SNX16: variants seen among roughly 807,000 people sequenced by gnomAD.
The protein encoded by SNX16 is sorting nexin 16, also known as sorting nexin-16.
SNX16 carries 35 observed loss-of-function variants against 36.7 expected under a neutral mutation model. The observed-to-expected ratio is 0.95, with a 90% confidence interval of 0.73 to 1.27. The LOEUF is 1.27. Ranked by LOEUF, SNX16 falls within the 50% of genes most tolerant of loss-of-function variation. The probability of loss-of-function intolerance (pLI) is 0.00; values close to 1 mark genes in which losing one functional copy is unlikely to be tolerated. For missense variants in SNX16, 367 were observed against 393.6 expected, an observed-to-expected ratio of 0.93 and a Z score of 0.57; for synonymous variants, 134 against 132.0, an observed-to-expected ratio of 1.02 and a Z score of -0.10.
chr8:81,832,408 T>A (rs915511062), intron 2 of SNX16, among the ~76,000 whole-genome samples: 1 of 152,112 alleles, frequency 6.6e-6, no homozygotes, highest in Non-Finnish European at 1.5e-5. Flanking sequence ...CACTGGGGAC[T>A]CCTAGTGGAG....
intron 5 of SNX16, among the ~76,000 whole-genome samples, chr8:81,804,926 C>A (rs983347431): frequency 6.6e-6 from 1 of 151,816 alleles, no homozygotes; most frequent in East Asian, 1.9e-4. Context: ...CAAATCCACA[C>A]CATAAGGGGT....
Position 81,823,775 on chromosome 8 carries a change from T to C in SNX16, c.611+17A>G. ...TTGGAATGCTTTTATAATCTCTTAT[T>C]TCAATTCGTTACATACCAGTTAGCA... On this transcript the variant is annotated intron_variant, in intron 4 of 7. Transcript: ENST00000345957. 1 of 1,572,046 alleles carries C rather than the reference T, an allele frequency of 6.4e-7. No homozygotes were observed. Among genetic ancestry groups the C allele is most frequent in the South Asian group, 1.2e-5 (1 of 83,478 alleles).
chr8:81,816,803 G>C (rs1810517413), intron 4 of SNX16, among the ~76,000 whole-genome samples: 1 of 152,080 alleles, frequency 6.6e-6, no homozygotes, highest in South Asian at 2.1e-4. Flanking sequence ...CTTTCAATCT[G>C]TTCCCTGAGT....
chr8:81,831,859 C>T (rs1426217816), intron 2 of SNX16, among the ~76,000 whole-genome samples: 1 of 151,782 alleles, frequency 6.6e-6, no homozygotes, highest in African/African-American at 2.4e-5. Flanking sequence ...AAATCAAAAC[C>T]ACAATGAGAT....
chr8:81,840,432 A>G lies in SNX16; in HGVS notation c.-96-350T>C, dbSNP rs1811693079. 2.5e-5 allele frequency: 4 copies of G among 158,280 alleles called. No homozygotes were observed. In the South Asian group the frequency reaches 5.5e-4, roughly 22 times the overall value. The allele number at this position is 158,280 out of a possible 1,614,324, so 9.8% of individuals were successfully genotyped here. A position where few individuals can be genotyped will look rare whatever the true frequency, so the allele number is the denominator to read the frequency against. ...TCTGAAGCTTTATTCCATGCTTATC[A>G]TCTTGACAGTACTACATTCAGTACA... On this transcript the variant is annotated intron_variant, in intron 1 of 7. Transcript: ENST00000345957.
At chr8:81,825,539 A>G (rs532937026) in intron 3 of SNX16, among the ~76,000 whole-genome samples, 3 of 152,292 alleles carry the variant, frequency 2.0e-5, no homozygotes, top group African/African-American at 7.2e-5. Flanking sequence ...AAGATTGAGA[A>G]CCATTTTACT....
At chr8:81,815,189 G>A in intron 5 of SNX16, 136 bp downstream of exon 5, 1 of 582,218 alleles carries the variant, frequency 1.7e-6, no homozygotes, top group South Asian at 4.2e-5. Context: ...ACTCAAACAT[G>A]AAAGCTTTCT....
intron 4 of SNX16, among the ~76,000 whole-genome samples, chr8:81,823,472 A>G (rs948538888): frequency 6.6e-6 from 1 of 152,070 alleles, no homozygotes; most frequent in African/African-American, 2.4e-5. Context: ...AATTTTACTA[A>G]TATGTAAGTG....
chr8:81,825,506 C>A (rs181681127), intron 3 of SNX16, among the ~76,000 whole-genome samples: 6 of 152,188 alleles, frequency 3.9e-5, no homozygotes, highest in Non-Finnish European at 7.4e-5. Flanking sequence ...AAAAAGCTTT[C>A]CAGTGGAATC....
At chr8:81,817,732 G>C (rs1456803615) in intron 4 of SNX16, among the ~76,000 whole-genome samples, 1 of 152,100 alleles carries the variant, frequency 6.6e-6, no homozygotes, top group African/African-American at 2.4e-5. Flanking sequence ...AGAATCTCTG[G>C]AAGATGGTAG....
chr8:81,815,243 G>T, intron 5 of SNX16, 82 bp downstream of exon 5: 2 of 1,047,260 alleles, frequency 1.9e-6, no homozygotes, highest in Non-Finnish European at 2.8e-6. Context: ...TTTGCTGTTT[G>T]CTATTCCATC....
intron 5 of SNX16, among the ~76,000 whole-genome samples, chr8:81,811,261 G>A (rs1810233227): frequency 6.6e-6 from 1 of 152,114 alleles, no homozygotes; most frequent in Non-Finnish European, 1.5e-5. Context: ...ATTTAATAGG[G>A]AGTTCTGGGA....
chr8:81,832,925 A>G (rs1811332355), intron 2 of SNX16, among the ~76,000 whole-genome samples: 1 of 151,192 alleles, frequency 6.6e-6, no homozygotes, highest in South Asian at 2.1e-4. Flanking sequence ...CTGTGCAACA[A>G]TTTTCAACTG....
At position 81,802,468 on chromosome 8, in the gene SNX16, C is replaced by G. The variant is rs1809745667; in HGVS notation, c.850G>C (p.Asp284His). The change falls in exon 7 of 8, where the codon GAT (aspartate) becomes CAT (histidine). Residue 284 changes from aspartate to histidine, a missense_variant. Coordinates refer to ENST00000345957, the MANE Select transcript of SNX16 (RefSeq NM_152836.3). Reference protein sequence around the residue: ...TLSLEPEESLDVSETEGEQIL... With the variant: ...TLSLEPEESLHVSETEGEQIL... The stretch of plus-strand genomic sequence containing the variant: ...TGTTCACCTTCTGTTTCTGACACAT[C>G]CAGTGATTCTTCAGGTTCTAAAGAC... 5 of 1,608,704 alleles carry G rather than the reference C, an allele frequency of 3.1e-6. No homozygotes were observed. The Admixed American group carries it at 5.0e-5, about 16-fold the overall frequency.
chr8:81,814,212 G>A (rs898251668), intron 5 of SNX16, among the ~76,000 whole-genome samples: 2 of 151,926 alleles, frequency 1.3e-5, no homozygotes, highest in Non-Finnish European at 2.9e-5. Context: ...TGTGGTATAT[G>A]CAAACAATGA....
At chr8:81,807,371 T>A (rs1810002073) in intron 5 of SNX16, among the ~76,000 whole-genome samples, 1 of 151,314 alleles carries the variant, frequency 6.6e-6, no homozygotes. Flanking sequence ...ATACAAAAAT[T>A]AGCTGGATGT....
chr8:81,835,810 C>G (rs1294061836), intron 2 of SNX16, among the ~76,000 whole-genome samples: 2 of 152,176 alleles, frequency 1.3e-5, no homozygotes, highest in Non-Finnish European at 2.9e-5. Flanking sequence ...AGGTGAAAGG[C>G]AAGTCTCACA....
Position 81,839,963 on chromosome 8 carries a change from A to T in SNX16, c.24T>A (p.Val8=), listed in dbSNP as rs1479468661. MATPYVP[V]PMPIGNSASS... is the part of the protein sequence containing the mutation. ...AAGCAGAGTTTCCTATGGGCATAGGAACTGGGACATAAGGAGTTGCCATCT... is the reference window on the plus strand; with the variant it reads ...AAGCAGAGTTTCCTATGGGCATAGGTACTGGGACATAAGGAGTTGCCATCT... The change falls in exon 2 of 8, where the codon GTT becomes GTA. Residue 8 remains valine, a synonymous_variant. Transcript: ENST00000345957. The T allele has an allele frequency of 8.7e-6, 14 of 1,612,016 alleles. No individual in the cohort carries two copies. Among genetic ancestry groups the T allele is most frequent in the Non-Finnish European group, 1.2e-5 (14 of 1,179,132 alleles).
rs1338524345 is a variant in SNX16, at chr8:81,807,960, C to T, written c.682-4732G>A. On this transcript the variant is annotated intron_variant, in intron 5 of 7. Transcript: ENST00000345957. Reference sequence around the variant, plus strand: ...GGGGCTTTGGGTTTGTCACATATGCCACTGTGGGGGAGGTGGATGCAGCCG... The same window carrying T: ...GGGGCTTTGGGTTTGTCACATATGCTACTGTGGGGGAGGTGGATGCAGCCG... 14 of 786,692 alleles carry T rather than the reference C, an allele frequency of 1.8e-5. No individual in the cohort carries two copies. In the Admixed American group the frequency reaches 2.4e-4, roughly 13 times the overall value. 48.7% of individuals were successfully genotyped at this position (786,692 alleles called of 1,614,324 possible).
Sources: gnomAD v4.1 joint callset for allele counts (sites outside exome capture counted in the v4.1 genomes callset) on GRCh38, gnomAD v4.1.1 for gene constraint, MANE v1.5 for transcripts, NCBI Gene and HGNC (gene_info 2026-07-23, HGNC 2026-07-21) for gene names.